The following PACRG variants were observed in gnomAD, a reference collection of about 807,000 sequenced individuals.
PACRG encodes the protein parkin coregulated.
In PACRG, 29 loss-of-function variants were observed where a neutral mutation model predicts 29.7. The observed-to-expected ratio is 0.98, with a 90% CI of 0.73 to 1.33. PACRG has a LOEUF of 1.33. PACRG is among the 40% of genes most tolerant of loss of function. The pLI is 0.00. For missense variants in PACRG, 279 were observed against 316.2 expected (o/e 0.88, Z 0.89); for synonymous variants, 116 against 118.7 (o/e 0.98, Z 0.15).
chr6:162,951,453 C>G (rs764469191), intron 2 of PACRG, among the ~76,000 whole-genome samples: 3 of 152,208 alleles, frequency 2.0e-5, no homozygotes, highest in African/African-American at 2.4e-5. Flanking sequence ...TCAGATATTT[C>G]TTTCAAACAG....
intron 2 of PACRG, among the ~76,000 whole-genome samples, chr6:162,905,682 T>C (rs1341352113): frequency 1.3e-5 from 2 of 152,212 alleles, no homozygotes; most frequent in African/African-American, 4.8e-5. Context: ...TCACTTTCCC[T>C]TTAATTTTAT....
chr6:162,831,189 G>A (rs915429770), intron 2 of PACRG, among the ~76,000 whole-genome samples: 2 of 152,124 alleles, frequency 1.3e-5, no homozygotes, highest in African/African-American at 4.8e-5. Flanking sequence ...CAGAGCTGAA[G>A]GGTTTTGAAA....
intron 2 of PACRG, among the ~76,000 whole-genome samples, chr6:163,048,651 A>C (rs1034762521): frequency 2.0e-5 from 3 of 152,092 alleles, no homozygotes; most frequent in Non-Finnish European, 4.4e-5. Context: ...ACAAAGGGGA[A>C]ATTTTCTACT....
chr6:162,947,306 T>C lies in PACRG; in HGVS notation c.292-114844T>C, dbSNP rs1323582074. ...TAATCATACATATAATCATATAATA[T>C]ATATAATCATATATAATACATATAA... On this transcript the variant is annotated intron_variant, in intron 2 of 4. Coordinates refer to ENST00000366888, the MANE Select transcript of PACRG (RefSeq NM_001080379.2). 6.5e-5 allele frequency among the ~76,000 whole-genome samples: 7 copies of C among 107,200 alleles called. 1 individual carries two copies. The highest frequency in any genetic ancestry group is 1.1e-4 in the Admixed American group (1 of 9,504). 70.3% of individuals were successfully genotyped at this position (107,200 alleles called of 152,430 possible). A position where few individuals can be genotyped will look rare whatever the true frequency, so the allele number is the denominator to read the frequency against.
At chr6:163,136,669 A>T (rs1052077343) in intron 4 of PACRG, among the ~76,000 whole-genome samples, 1 of 152,190 alleles carries the variant, frequency 6.6e-6, no homozygotes, top group Non-Finnish European at 1.5e-5. Flanking sequence ...ATAATCTCTT[A>T]AATTTATTCA....
chr6:162,775,660 A>G (rs1783585784), intron 1 of PACRG, among the ~76,000 whole-genome samples: 1 of 152,154 alleles, frequency 6.6e-6, no homozygotes, highest in Non-Finnish European at 1.5e-5. Context: ...TGATATGTGT[A>G]ATGTTTTCTA....
intron 2 of PACRG, among the ~76,000 whole-genome samples, chr6:162,954,971 G>C (rs1160543290): frequency 6.6e-6 from 1 of 152,194 alleles, no homozygotes; most frequent in Non-Finnish European, 1.5e-5. Context: ...TGACAAACCA[G>C]TTGCAGACCA....
chr6:162,927,009 C>A (rs187922173), intron 2 of PACRG, among the ~76,000 whole-genome samples: 26 of 152,164 alleles, frequency 1.7e-4, no homozygotes, highest in Middle Eastern at 3.4e-3. Flanking sequence ...TGAACAGATG[C>A]TTCTCAAAAG....
At chr6:162,855,702 G>A (rs1012848190) in intron 2 of PACRG, among the ~76,000 whole-genome samples, 11 of 152,162 alleles carry the variant, frequency 7.2e-5, no homozygotes, top group African/African-American at 1.2e-4. Flanking sequence ...TCGTCCCAGC[G>A]GTGTGTGTTC....
chr6:162,810,958 G>T (rs908974969), intron 1 of PACRG, among the ~76,000 whole-genome samples: 5 of 151,992 alleles, frequency 3.3e-5, no homozygotes, highest in African/African-American at 4.8e-5. Flanking sequence ...CTTCAAACAG[G>T]ATAAAAAGCA....
intron 2 of PACRG, among the ~76,000 whole-genome samples, chr6:162,952,489 G>C (rs1002321868): frequency 6.6e-6 from 1 of 152,178 alleles, no homozygotes; most frequent in Non-Finnish European, 1.5e-5. Context: ...GTTCCACAGG[G>C]AGTGAGGTTC....
intron 4 of PACRG, among the ~76,000 whole-genome samples, chr6:163,273,669 C>T (rs762389998): frequency 5.3e-5 from 8 of 151,858 alleles, no homozygotes; most frequent in Admixed American, 1.3e-4. Context: ...CTGTTACTTT[C>T]CTCCCCCCTT....
At chr6:163,084,373 G>A (rs891228272) in intron 3 of PACRG, among the ~76,000 whole-genome samples, 34 of 152,094 alleles carry the variant, frequency 2.2e-4, no homozygotes, top group Admixed American at 2.2e-3. Context: ...GTGACAGTAA[G>A]AACAAAAAGA....
chr6:163,288,710 AATACTCGTCT>A lies in PACRG; in HGVS notation c.614-26112_614-26103del, dbSNP rs1196855854. ...ATGCATAGAGAACTTTTTATGACCA[AATACTCGTCT>A]ATACCACTCAACACTTTTGAATGGC... is the stretch of plus-strand genomic sequence containing the variant. On this transcript the variant is annotated intron_variant, in intron 4 of 4. Coordinates refer to ENST00000366888, the MANE Select transcript of PACRG (RefSeq NM_001080379.2). Among the ~76,000 whole-genome samples the A allele has an allele frequency of 2.0e-5, 3 of 152,146 alleles. No individual in the cohort carries two copies. In the East Asian group the frequency reaches 5.8e-4, roughly 29 times the overall value.
chr6:162,735,878 G>A (rs1780128261), intron 1 of PACRG, among the ~76,000 whole-genome samples: 1 of 152,062 alleles, frequency 6.6e-6, no homozygotes, highest in Admixed American at 6.6e-5. Context: ...ATAAATTGGA[G>A]CGATTGGAAA....
intron 2 of PACRG, among the ~76,000 whole-genome samples, chr6:162,836,722 TAA>T (rs35632345): frequency 6.6e-6 from 1 of 152,126 alleles, no homozygotes; most frequent in Admixed American, 6.6e-5. Context: ...TCATTTGATT[TAA>T]AAGAGTGTTT....
rs1230992953 is a variant in PACRG at position 162,997,485 on chromosome 6, A to C, written c.292-64665A>C. 8.9e-6 allele frequency: 4 copies of C among 449,824 alleles called. No individual in the cohort carries two copies. In the Admixed American group the frequency reaches 9.7e-5, roughly 11 times the overall value. 27.9% of individuals were successfully genotyped at this position (449,824 alleles called of 1,614,324 possible). On this transcript the variant is annotated intron_variant, in intron 2 of 4. Transcript: ENST00000366888. ...TGAAAACTACTGACAGACGGCAGCG[A>C]ATCATGTCTTCCAATGAATAGCAGA...
chr6:163,314,799 G>A (rs1233558400), intron 4 of PACRG, 28 bp from the exon 5 acceptor site: 9 of 1,607,772 alleles, frequency 5.6e-6, no homozygotes, highest in Middle Eastern at 1.8e-4. Context: ...AGAAGTAACT[G>A]GCCTCTTTGT....
At chr6:163,290,910 T>C (rs1784578374) in intron 4 of PACRG, among the ~76,000 whole-genome samples, 1 of 152,116 alleles carries the variant, frequency 6.6e-6, no homozygotes, top group African/African-American at 2.4e-5. Context: ...TGGGGCCTCC[T>C]CTCTGCCTCT....
Sources: allele counts gnomAD v4.1 joint callset (sites outside exome capture counted in the v4.1 genomes callset), GRCh38; gene constraint gnomAD v4.1.1; transcripts MANE v1.5; gene names NCBI Gene and HGNC (gene_info 2026-07-23, HGNC 2026-07-21).